Variants in ASIC2 observed in about 807,000 individuals in gnomAD.
The protein encoded by ASIC2 is acid sensing ion channel subunit 2.
ASIC2 carries 25 observed loss-of-function variants against 57.3 expected under a neutral mutation model. That is an observed-to-expected ratio of 0.44 (90% confidence interval 0.32 to 0.61). The LOEUF (loss-of-function observed/expected upper bound fraction) is 0.61, where lower values mean the gene tolerates loss of function less well. Among genes scored for constraint, ASIC2 ranks in the 20% least tolerant of loss-of-function variants. ASIC2 has a pLI of 0.06. For synonymous variants in ASIC2, 319 were observed against 307.5 expected (o/e 1.04, Z -0.39); for missense variants, 641 against 738.1 (o/e 0.87, Z 1.52).
At chr17:33,397,189 C>A (rs1024446870) in intron 1 of ASIC2, among the ~76,000 whole-genome samples, 2 of 152,176 alleles carry the variant, frequency 1.3e-5, no homozygotes, top group Non-Finnish European at 2.9e-5. Context: ...ACAGAGGACA[C>A]AAACACAGAG....
intron 1 of ASIC2, among the ~76,000 whole-genome samples, chr17:33,354,679 T>C (rs909280518): frequency 1.3e-5 from 2 of 152,104 alleles, no homozygotes; most frequent in Admixed American, 6.5e-5. Context: ...TTCCCAGGGA[T>C]CTGATGGGCC....
At chr17:34,119,835 T>A (rs1911548290) in intron 1 of ASIC2, among the ~76,000 whole-genome samples, 1 of 152,212 alleles carries the variant, frequency 6.6e-6, no homozygotes, top group Non-Finnish European at 1.5e-5. Flanking sequence ...GTGGACAGTT[T>A]GTTTTGAAGT....
intron 1 of ASIC2, among the ~76,000 whole-genome samples, chr17:33,888,185 T>C (rs558911270): frequency 1.1e-4 from 16 of 152,128 alleles, no homozygotes. Context: ...AAACAGATGG[T>C]AGTGTGAGAG....
chr17:33,645,207 C>T (rs188826121), intron 1 of ASIC2, among the ~76,000 whole-genome samples: 18 of 152,158 alleles, frequency 1.2e-4, no homozygotes, highest in African/African-American at 3.6e-4. Flanking sequence ...AATGTAATGC[C>T]GTAAATAAAT....
intron 1 of ASIC2, among the ~76,000 whole-genome samples, chr17:33,373,972 C>T (rs536730819): frequency 6.6e-6 from 1 of 152,042 alleles, no homozygotes; most frequent in South Asian, 2.1e-4. Flanking sequence ...ACCACTGCGC[C>T]CTGCTGTTCT....
At chr17:33,716,252 T>G (rs982053437) in intron 1 of ASIC2, among the ~76,000 whole-genome samples, 2 of 152,198 alleles carry the variant, frequency 1.3e-5, no homozygotes, top group African/African-American at 4.8e-5. Flanking sequence ...TCTGATCATG[T>G]CCCTCCATTC....
At chr17:33,556,479 G>A (rs942814914) in intron 1 of ASIC2, among the ~76,000 whole-genome samples, 3 of 152,208 alleles carry the variant, frequency 2.0e-5, no homozygotes, top group African/African-American at 7.2e-5. Context: ...ATGCCAAGGA[G>A]CCACTGGATG....
chr17:33,466,297 C>G (rs891522483), intron 1 of ASIC2, among the ~76,000 whole-genome samples: 11 of 152,078 alleles, frequency 7.2e-5, no homozygotes, highest in African/African-American at 2.7e-4. Context: ...TGTGAAGGAC[C>G]TCTTCAAGGA....
At chr17:33,647,654 G>A (rs556491506) in intron 1 of ASIC2, among the ~76,000 whole-genome samples, 1 of 152,346 alleles carries the variant, frequency 6.6e-6, no homozygotes, top group Admixed American at 6.5e-5. Context: ...GTGTATATCT[G>A]TGCTCATGTG....
At chr17:33,525,844 C>T (rs1254899005) in intron 1 of ASIC2, among the ~76,000 whole-genome samples, 2 of 152,204 alleles carry the variant, frequency 1.3e-5, no homozygotes, top group Non-Finnish European at 2.9e-5. Flanking sequence ...CTCACCTCCT[C>T]CAGGAAGCTT....
chr17:33,941,088 A>T (rs997754), intron 1 of ASIC2, among the ~76,000 whole-genome samples: 6,287 of 152,296 alleles, frequency 0.041, 452 homozygotes, highest in African/African-American at 0.14. Context: ...GTGGAGAATG[A>T]GGGGCCAAGA....
At chr17:33,304,271 T>C (rs1173491999) in intron 1 of ASIC2, among the ~76,000 whole-genome samples, 6 of 152,220 alleles carry the variant, frequency 3.9e-5, no homozygotes, top group Non-Finnish European at 8.8e-5. Flanking sequence ...AGTGAAACAT[T>C]TCTTTGAACA....
chr17:33,156,539 C>T (rs1447102770), intron 1 of ASIC2, among the ~76,000 whole-genome samples: 1 of 151,888 alleles, frequency 6.6e-6, no homozygotes, highest in Non-Finnish European at 1.5e-5. Context: ...GGGTGGATCA[C>T]GAGGTCAGGA....
At chr17:33,171,136 T>A (rs1481388464) in intron 1 of ASIC2, among the ~76,000 whole-genome samples, 1 of 152,206 alleles carries the variant, frequency 6.6e-6, no homozygotes, top group African/African-American at 2.4e-5. Context: ...GGTAGCAAGA[T>A]GGTACCGGGA....
At chr17:33,804,982 C>A (rs1912230514) in intron 1 of ASIC2, among the ~76,000 whole-genome samples, 1 of 152,060 alleles carries the variant, frequency 6.6e-6, no homozygotes, top group Non-Finnish European at 1.5e-5. Flanking sequence ...TCCAAGCCAG[C>A]CTGGTATCCT....
At chr17:33,942,941 C>T (rs1201553294) in intron 1 of ASIC2, among the ~76,000 whole-genome samples, 1 of 152,196 alleles carries the variant, frequency 6.6e-6, no homozygotes, top group Non-Finnish European at 1.5e-5. Context: ...AGCATTCGTC[C>T]TTCCCAAAGT....
chr17:33,024,998 TC>T (rs1171361557), intron 5 of ASIC2, among the ~76,000 whole-genome samples: 1 of 152,116 alleles, frequency 6.6e-6, no homozygotes, highest in African/African-American at 2.4e-5. Context: ...CCTCCCTTTT[TC>T]CTCTAGCCAC....
At position 34,156,035 on chromosome 17, in the gene ASIC2, A is replaced by G; in HGVS notation, c.498T>C (p.Asp166=). The change falls in exon 1 of 10, where the codon GAT becomes GAC. Residue 166 remains aspartate, a synonymous_variant. Coordinates refer to the ASIC2 transcript ENST00000359872. This position sits in a 1 kb window ranked among gnomAD's most constrained non-coding sequence, Gnocchi z 4.4. ...CTTTGAACTTGCAGTAGAGCATCAT[A>G]TCCTTCAGGTCATGGCCCACACGGT... 6.2e-7 allele frequency: 1 copy of G among 1,613,936 alleles called. No individual in the cohort carries two copies. The highest frequency in any genetic ancestry group is 8.5e-7 in the Non-Finnish European group (1 of 1,180,006).
intron 1 of ASIC2, among the ~76,000 whole-genome samples, chr17:34,094,007 C>T (rs551068848): frequency 3.4e-4 from 51 of 152,226 alleles, no homozygotes; most frequent in African/African-American, 1.1e-3. Flanking sequence ...CATGCTACAA[C>T]GGAGGCACCT....
Sources: gnomAD v4.1 joint callset for allele counts (sites outside exome capture counted in the v4.1 genomes callset) on GRCh38, gnomAD v4.1.1 for gene constraint, Gnocchi (gnomAD v3.1) non-coding constraint, MANE v1.5 for transcripts, NCBI Gene and HGNC (gene_info 2026-07-23, HGNC 2026-07-21) for gene names.